The following DAW1 variants were observed in gnomAD, a reference collection of about 807,000 sequenced individuals.
DAW1 encodes dynein assembly factor with WD repeats 1.
Under a neutral mutation model 56.5 loss-of-function variants are expected in DAW1, and 47 were observed. The ratio of observed to expected loss-of-function variants is 0.83; its 90% CI spans 0.66 to 1.06. The LOEUF (loss-of-function observed/expected upper bound fraction) is 1.06, where lower values mean the gene tolerates loss of function less well. Among genes scored for constraint, DAW1 ranks in the 50% least tolerant of loss-of-function variants. DAW1 has a pLI of 0.00. For synonymous variants in DAW1, 190 were observed against 179.0 expected (o/e 1.06, Z -0.49); for missense variants, 505 against 499.3 (o/e 1.01, Z -0.11).
intron 1 of DAW1, among the ~76,000 whole-genome samples, chr2:227,881,343 C>T (rs1042672803): frequency 2.0e-5 from 3 of 152,168 alleles, no homozygotes; most frequent in South Asian, 4.1e-4. Flanking sequence ...ATGTGTTGCT[C>T]GTACTTGAAC....
intron 6 of DAW1, 57 bp from the exon 7 acceptor site, chr2:227,902,945 T>A (rs1342989000): frequency 6.5e-7 from 1 of 1,537,518 alleles, no homozygotes; most frequent in East Asian, 2.3e-5. Flanking sequence ...TTTCTGTGTA[T>A]AATTAACACT....
At chr2:227,895,028 GA>G (rs1171569807) in intron 5 of DAW1, among the ~76,000 whole-genome samples, 4 of 152,154 alleles carry the variant, frequency 2.6e-5, no homozygotes, top group Admixed American at 6.5e-5. Flanking sequence ...GCAAATCTTT[GA>G]AAAATTGTTT....
At chr2:227,903,379 A>G (rs529383405) in intron 7 of DAW1, among the ~76,000 whole-genome samples, 1 of 152,304 alleles carries the variant, frequency 6.6e-6, no homozygotes, top group African/African-American at 2.4e-5. Context: ...GCTAAAAGGA[A>G]AGCAGGTGGA....
chr2:227,905,288 T>C (rs925710734), intron 8 of DAW1, among the ~76,000 whole-genome samples: 8 of 152,242 alleles, frequency 5.3e-5, no homozygotes, highest in Non-Finnish European at 1.2e-4. Context: ...TCTGGTTATA[T>C]AGCTATTATT....
intron 5 of DAW1, among the ~76,000 whole-genome samples, chr2:227,896,888 A>G (rs189579778): frequency 5.3e-5 from 8 of 151,924 alleles, no homozygotes; most frequent in African/African-American, 1.9e-4. Flanking sequence ...GGGAACTGAT[A>G]AAGAATGTAC....
chr2:227,874,890 G>T (rs140502355), intron 1 of DAW1, among the ~76,000 whole-genome samples: 31 of 152,102 alleles, frequency 2.0e-4, no homozygotes, highest in African/African-American at 7.5e-4. Context: ...TTGAATCTGG[G>T]AGGTGGAGGT....
At chr2:227,896,346 T>C (rs1043231705) in intron 5 of DAW1, among the ~76,000 whole-genome samples, 1 of 152,222 alleles carries the variant, frequency 6.6e-6, no homozygotes, top group Non-Finnish European at 1.5e-5. Flanking sequence ...AATAGTCTAC[T>C]TAACAAACAT....
intron 5 of DAW1, 149 bp downstream of exon 5, chr2:227,894,066 T>TA: frequency 1.3e-6 from 1 of 794,406 alleles, no homozygotes; most frequent in Non-Finnish European, 1.9e-6. Context: ...CTTCAAAGCT[T>TA]AAAAGGGTCT....
At chr2:227,890,265 T>C (rs1691231937) in intron 3 of DAW1, among the ~76,000 whole-genome samples, 1 of 151,468 alleles carries the variant, frequency 6.6e-6, no homozygotes, top group Non-Finnish European at 1.5e-5. Flanking sequence ...ATTATTAAGA[T>C]AGTTTTAAGT....
At chr2:227,918,336 G>C (rs1231717591) in intron 10 of DAW1, among the ~76,000 whole-genome samples, 1 of 152,180 alleles carries the variant, frequency 6.6e-6, no homozygotes, top group Non-Finnish European at 1.5e-5. Context: ...TTTGAAGCCT[G>C]TTTTTTGCCT....
In DAW1 at chr2:227,893,784, C is replaced by A; in HGVS notation, c.318-11C>A. 6.2e-7 allele frequency: 1 copy of A among 1,606,288 alleles called. No homozygotes were observed. Among genetic ancestry groups the A allele is most frequent in the South Asian group, 1.1e-5 (1 of 89,426 alleles). On this transcript the variant is annotated splice_polypyrimidine_tract_variant and intron_variant, in intron 4 of 12. Transcript: ENST00000309931. Reference sequence around the variant, plus strand: ...TTCTTCCCTGCAACGTGTTTATATTCCTTGTGTTAGCTTTATCACAGGAAG... The same window carrying A: ...TTCTTCCCTGCAACGTGTTTATATTACTTGTGTTAGCTTTATCACAGGAAG...
intron 2 of DAW1, among the ~76,000 whole-genome samples, chr2:227,887,925 G>A (rs1691170115): frequency 6.6e-6 from 1 of 152,208 alleles, no homozygotes; most frequent in Non-Finnish European, 1.5e-5. Context: ...GTTGGAGCGT[G>A]TAGATTATCT....
chr2:227,895,988 T>C (rs1289626602), intron 5 of DAW1, among the ~76,000 whole-genome samples: 5 of 150,686 alleles, frequency 3.3e-5, no homozygotes, highest in African/African-American at 1.2e-4. Context: ...ACACTTAGAA[T>C]AGACATTTTA....
At chr2:227,874,027 G>A (rs1362788865) in intron 1 of DAW1, among the ~76,000 whole-genome samples, 1 of 152,164 alleles carries the variant, frequency 6.6e-6, no homozygotes, top group Non-Finnish European at 1.5e-5. Context: ...ATAGTATATA[G>A]AAAATTTAAA....
At chr2:227,891,428 T>C (rs58627365) in intron 4 of DAW1, 115 bp downstream of exon 4, 66,636 of 839,888 alleles carry the variant, frequency 0.079, 4,375 homozygotes, top group African/African-American at 0.29. Flanking sequence ...ATTTCAGTAC[T>C]CCCTTGGATA....
intron 6 of DAW1, among the ~76,000 whole-genome samples, chr2:227,901,774 G>C (rs951321644): frequency 3.9e-5 from 6 of 152,072 alleles, no homozygotes; most frequent in African/African-American, 1.2e-4. Context: ...CAAGAAATTT[G>C]GTTGTAAAGG....
At chr2:227,909,297 G>T (rs1461423694) in intron 10 of DAW1, among the ~76,000 whole-genome samples, 1 of 130,096 alleles carries the variant, frequency 7.7e-6, no homozygotes, top group African/African-American at 2.9e-5. Context: ...TCTCCTATTG[G>T]TTCTGTTTTA....
rs546114253 is a variant in DAW1 at position 227,885,304 on chromosome 2, AG to A, written c.41-45del. 537 of 1,328,550 alleles carry A rather than the reference AG, an allele frequency of 4.0e-4. 1 individual carries two copies. The African/African-American group carries it at 7.1e-3, about 18-fold the overall frequency. The allele number at this position is 1,328,550 out of a possible 1,614,324, so 82.3% of individuals were successfully genotyped here. The stretch of plus-strand genomic sequence containing the variant: ...GGCAAGGTAGGTTAACTTTTGACAT[AG>A]GTGGTTATCGTAAGTGTTTTATAAC... On this transcript the variant is annotated intron_variant, in intron 1 of 12. Coordinates refer to ENST00000309931, the MANE Select transcript of DAW1 (RefSeq NM_178821.3).
chr2:227,886,811 A>T (rs533287740), intron 2 of DAW1, among the ~76,000 whole-genome samples: 20 of 149,046 alleles, frequency 1.3e-4, no homozygotes, highest in African/African-American at 4.9e-4. Flanking sequence ...AAACAAACAA[A>T]CATCCTACTT....
Sources: allele counts gnomAD v4.1 joint callset (sites outside exome capture counted in the v4.1 genomes callset), GRCh38; gene constraint gnomAD v4.1.1; transcripts MANE v1.5; gene names NCBI Gene and HGNC (gene_info 2026-07-23, HGNC 2026-07-21).